KSR1: variants seen among roughly 807,000 people sequenced by gnomAD.
KSR1 encodes kinase suppressor of ras 1, also known as kinase suppressor of ras.
In KSR1, 35 loss-of-function variants were observed where a neutral mutation model predicts 92.9. That is an observed-to-expected ratio of 0.38 (90% confidence interval 0.29 to 0.50). KSR1 has a LOEUF of 0.50. Ranked by LOEUF, KSR1 falls within the 20% of genes least tolerant of loss-of-function variation. The pLI, the probability that KSR1 is intolerant of heterozygous loss-of-function variation, is 0.94. For missense variants in KSR1, 972 were observed against 1,158.5 expected (o/e 0.84, Z 2.34); for synonymous variants, 467 against 472.6 (o/e 0.99, Z 0.15).
intron 9 of KSR1, among the ~76,000 whole-genome samples, chr17:27,596,173 C>G (rs2073339377): frequency 6.6e-6 from 1 of 152,208 alleles, no homozygotes; most frequent in Non-Finnish European, 1.5e-5. Context: ...ACAGTTAAAA[C>G]CAAAAAGTTA....
At chr17:27,585,556 G>C (rs983680529) in intron 4 of KSR1, 101 bp from the exon 5 acceptor site, 1 of 718,196 alleles carries the variant, frequency 1.4e-6, no homozygotes, top group African/African-American at 1.7e-5. Flanking sequence ...AGAGTCCTAC[G>C]TCCCAGCCCC....
chr17:27,495,979 G>C (rs1437149531), intron 1 of KSR1, among the ~76,000 whole-genome samples: 2 of 152,178 alleles, frequency 1.3e-5, no homozygotes, highest in African/African-American at 4.8e-5. Context: ...CTTTAGGGTT[G>C]GGTCTTTATG....
rs1017734842 is a variant in KSR1, at chr17:27,487,874, A to G, written c.231+31000A>G. On this transcript the variant is annotated intron_variant, in intron 1 of 20. Transcript: ENST00000644974. ...CAACCAGCTCTCACCTCTTGCTTGA[A>G]CTAATAGTGTGAGAACTCACCCATG... Among the ~76,000 whole-genome samples the G allele has an allele frequency of 3.3e-5, 5 of 152,110 alleles. No homozygotes were observed. The East Asian group carries it at 9.6e-4, about 29-fold the overall frequency.
chr17:27,552,871 G>T (rs565998066), intron 2 of KSR1, among the ~76,000 whole-genome samples: 18 of 152,300 alleles, frequency 1.2e-4, no homozygotes, highest in African/African-American at 4.1e-4. Context: ...AGCACATCTG[G>T]CGTGTCATGA....
intron 1 of KSR1, among the ~76,000 whole-genome samples, chr17:27,501,008 C>A (rs2069157420): frequency 6.6e-6 from 1 of 152,142 alleles, no homozygotes; most frequent in Non-Finnish European, 1.5e-5. Flanking sequence ...TTCCTATGTA[C>A]CAGGCATTGT....
In KSR1 at chr17:27,623,726, A is replaced by G. The variant is rs1377036466; in HGVS notation, c.*334A>G. 1.8e-6 allele frequency: 1 copy of G among 568,518 alleles called. No individual in the cohort carries two copies. The highest frequency in any genetic ancestry group is 3.6e-5 in the Admixed American group (1 of 27,612). The allele number at this position is 568,518 out of a possible 1,614,324, so 35.2% of individuals were successfully genotyped here. On this transcript the variant is annotated 3_prime_UTR_variant, in exon 21 of 21. Coordinates refer to ENST00000644974, the MANE Select transcript of KSR1 (RefSeq NM_001394583.1). ...GGCACTGACGGCCAGGATGGCGGAA[A>G]TGGCCATCCCCTCTGAGGACCTTGT... is the stretch of plus-strand genomic sequence containing the variant.
In KSR1 at chr17:27,617,359, A is replaced by T. The variant is rs748964143; in HGVS notation, c.2558A>T (p.Asp853Val). 1.2e-6 allele frequency: 2 copies of T among 1,612,824 alleles called. No individual in the cohort carries two copies. Among genetic ancestry groups the T allele is most frequent in the African/African-American group, 2.7e-5 (2 of 74,800 alleles). ...QERPSFSLLM[D>V]MLEKLPKLNR... ...AGACCCAGCTTCAGCCTGCTGATGG[A>T]CATGCTGGAGAAACTTCCCAAGCTG... Residue 853 changes from aspartate (D) to valine (V), a missense_variant, in exon 19 of 21, where the codon GAC (aspartate) becomes GTC (valine). Around this residue, in one of 5 missense-constraint regions of KSR1, gnomAD observed 260 missense variants for 375.2 expected, o/e 0.69. Transcript: ENST00000644974.
intron 14 of KSR1, among the ~76,000 whole-genome samples, chr17:27,606,460 A>G (rs1368537285): frequency 6.6e-6 from 1 of 152,214 alleles, no homozygotes; most frequent in Non-Finnish European, 1.5e-5. Context: ...GTAAAAATAC[A>G]AAGGAGAGAT....
chr17:27,549,550 G>A (rs1232351027), intron 1 of KSR1, among the ~76,000 whole-genome samples: 1 of 152,246 alleles, frequency 6.6e-6, no homozygotes, highest in Non-Finnish European at 1.5e-5. Context: ...CCTTGTGTAA[G>A]CTTTTCTTAT....
At chr17:27,617,866 G>A (rs1230543149) in intron 19 of KSR1, 4 of 174,034 alleles carry the variant, frequency 2.3e-5, no homozygotes, top group Non-Finnish European at 5.0e-5. Flanking sequence ...CACACAGTAG[G>A]TCACCCAGAG....
At chr17:27,474,318 T>C (rs1391155427) in intron 1 of KSR1, among the ~76,000 whole-genome samples, 7 of 152,380 alleles carry the variant, frequency 4.6e-5, no homozygotes, top group East Asian at 1.9e-4. Context: ...AGCCAGGCAA[T>C]GCTTATGTTC....
rs1394142770 is a variant in KSR1 at position 27,605,579 on chromosome 17, C to G, written c.1760C>G (p.Pro587Arg). The part of the protein sequence containing the change: ...TSVYLQEWDI[P>R]FEQVELGEPI... ...GTGTACCTGCAGGAGTGGGACATCC[C>G]CTTCGAGCAGGTAGAGCTGGGCGAG... The change falls in exon 14 of 21, where the codon CCC becomes CGC. Residue 587 changes from proline to arginine, a missense_variant. This residue lies in a region of KSR1 where 260 missense variants were observed against 375.2 expected (regional missense o/e 0.69). Transcript: ENST00000644974. 6.3e-7 allele frequency: 1 copy of G among 1,597,628 alleles called. No homozygotes were observed.
At chr17:27,569,165 TG>T (rs1442706522) in intron 2 of KSR1, among the ~76,000 whole-genome samples, 1 of 152,242 alleles carries the variant, frequency 6.6e-6, no homozygotes, top group African/African-American at 2.4e-5. Flanking sequence ...TCACGCATTT[TG>T]TAAAATGTTA....
intron 5 of KSR1, 87 bp from the exon 6 acceptor site, chr17:27,588,388 C>T: frequency 1.7e-6 from 2 of 1,197,510 alleles, no homozygotes; most frequent in South Asian, 3.0e-5. Context: ...CCCCCTCTAG[C>T]CTGTGGTCTC....
chr17:27,473,299 G>A (rs971896530), intron 1 of KSR1, among the ~76,000 whole-genome samples: 3 of 152,222 alleles, frequency 2.0e-5, no homozygotes, highest in Non-Finnish European at 4.4e-5. Context: ...CAAGGCTTTG[G>A]TGATGCTTAG....
chr17:27,597,718 A>G (rs2073396979), intron 10 of KSR1, among the ~76,000 whole-genome samples: 1 of 152,016 alleles, frequency 6.6e-6, no homozygotes, highest in Non-Finnish European at 1.5e-5. Context: ...ACATAACATA[A>G]TCCTCGCACT....
At chr17:27,549,679 C>T (rs1304421089) in intron 1 of KSR1, among the ~76,000 whole-genome samples, 1 of 152,154 alleles carries the variant, frequency 6.6e-6, no homozygotes, top group African/African-American at 2.4e-5. Context: ...TGAAAGCCTA[C>T]TGGGAATCCG....
Position 27,597,450 on chromosome 17 carries a change from AGG to A in KSR1, c.1468+15_1468+16del, listed in dbSNP as rs1221548524. 1 of 1,591,706 alleles carries A rather than the reference AGG, an allele frequency of 6.3e-7. No homozygotes were observed. The highest frequency in any genetic ancestry group is 8.6e-7 in the Non-Finnish European group (1 of 1,166,936). On this transcript the variant is annotated intron_variant, in intron 10 of 20. Coordinates refer to ENST00000644974, the MANE Select transcript of KSR1 (RefSeq NM_001394583.1). ...TCAACTTCCCAGGTACCACATCTCCAGGCTTTTCTGGGTTCTAAGGGATACAG... is the reference window on the plus strand; with the variant it reads ...TCAACTTCCCAGGTACCACATCTCCACTTTTCTGGGTTCTAAGGGATACAG...
intron 1 of KSR1, among the ~76,000 whole-genome samples, chr17:27,533,634 G>A (rs1415093627): frequency 6.6e-6 from 1 of 152,036 alleles, no homozygotes; most frequent in African/African-American, 2.4e-5. Context: ...TGCCCGCCTC[G>A]GCCTCCCAAA....
Sources: gnomAD v4.1 joint callset for allele counts (sites outside exome capture counted in the v4.1 genomes callset) on GRCh38, gnomAD v4.1.1 for gene constraint, gnomAD v4.1.1 regional missense constraint, MANE v1.5 for transcripts, NCBI Gene and HGNC (gene_info 2026-07-23, HGNC 2026-07-21) for gene names.